Variants in INO80C observed in about 807,000 individuals in gnomAD.
INO80C encodes the protein IES6 homolog.
Under a neutral mutation model 17.7 loss-of-function variants are expected in INO80C, and 17 were observed. The ratio of observed to expected loss-of-function variants is 0.96; its 90% CI spans 0.66 to 1.44. The LOEUF (loss-of-function observed/expected upper bound fraction) is 1.44, where lower values mean the gene tolerates loss of function less well. Ranked by LOEUF, INO80C falls within the 40% of genes most tolerant of loss-of-function variation. The pLI is 0.00. For missense variants in INO80C, 244 were observed against 245.0 expected (o/e 1.00, Z 0.03); for synonymous variants, 96 against 95.8 (o/e 1.00, Z -0.01).
chr18:35,488,120 G>A (rs1200253725), intron 1 of INO80C, among the ~76,000 whole-genome samples: 1 of 152,196 alleles, frequency 6.6e-6, no homozygotes, highest in African/African-American at 2.4e-5. Flanking sequence ...TCACAGGCTG[G>A]CGTTGAGTGT....
At position 35,497,920 on chromosome 18, in the gene INO80C, G is replaced by T. The variant is rs191901574; in HGVS notation, c.-46C>A. On this transcript the variant is annotated 5_prime_UTR_variant, in exon 1 of 5. Coordinates refer to ENST00000334598, the MANE Select transcript of INO80C (RefSeq NM_194281.4). ...GGTCCCCCCACCTTTTTCCCAGCGC[G>T]GGCCTTGGAACTTCCTTTCCGCTGT... 2.0e-6 allele frequency: 3 copies of T among 1,482,070 alleles called. No homozygotes were observed. Among genetic ancestry groups the T allele is most frequent in the Admixed American group, 2.5e-5 (1 of 40,808 alleles). 91.8% of individuals were successfully genotyped at this position (1,482,070 alleles called of 1,614,324 possible).
intron 1 of INO80C, among the ~76,000 whole-genome samples, chr18:35,491,816 G>A (rs554817489): frequency 2.0e-4 from 31 of 152,198 alleles, no homozygotes; most frequent in African/African-American, 7.2e-4. Flanking sequence ...GAACTGTCCC[G>A]CCCCAAGATA....
At chr18:35,484,904 T>G (rs1297041294) in intron 1 of INO80C, among the ~76,000 whole-genome samples, 2 of 152,238 alleles carry the variant, frequency 1.3e-5, no homozygotes, top group African/African-American at 4.8e-5. Context: ...TGTGTCAGTT[T>G]ATTCAGAGTG....
In INO80C at chr18:35,474,791, C is replaced by T. The variant is rs949889313; in HGVS notation, c.447+3491G>A. Among the ~76,000 whole-genome samples the T allele has an allele frequency of 1.3e-4, 19 of 151,998 alleles. No homozygotes were observed. In the East Asian group the frequency reaches 1.3e-3, roughly 11 times the overall value. ...TTAAAAACACAATTAGAGAGATAAA[C>T]GATGCTTCCAATAGGCTCATTGGTA... On this transcript the variant is annotated intron_variant, in intron 4 of 4. Transcript: ENST00000334598.
chr18:35,480,213 C>G (rs1214270735), intron 2 of INO80C, among the ~76,000 whole-genome samples: 1 of 152,138 alleles, frequency 6.6e-6, no homozygotes, highest in African/African-American at 2.4e-5. Context: ...AATGTCCCAC[C>G]CTCCAAACAG....
chr18:35,496,994 G>A (rs1470845382), intron 1 of INO80C: 1 of 152,236 alleles, frequency 6.6e-6, no homozygotes, highest in Admixed American at 6.5e-5. Context: ...GTGAACGGTG[G>A]TGTCACACCA....
intron 3 of INO80C, 170 bp downstream of exon 3, chr18:35,479,130 C>G: frequency 1.8e-6 from 1 of 565,120 alleles, no homozygotes; most frequent in Admixed American, 3.3e-5. Flanking sequence ...AATACAGATA[C>G]AGTTATGAGA....
At chr18:35,496,090 T>C (rs1335802155) in intron 1 of INO80C, among the ~76,000 whole-genome samples, 1 of 152,212 alleles carries the variant, frequency 6.6e-6, no homozygotes, top group Non-Finnish European at 1.5e-5. Context: ...TGCAACTACT[T>C]TGAGAAATAC....
At chr18:35,491,299 C>T (rs1383480494) in intron 1 of INO80C, among the ~76,000 whole-genome samples, 2 of 152,082 alleles carry the variant, frequency 1.3e-5, no homozygotes, top group Non-Finnish European at 2.9e-5. Flanking sequence ...AAGAGAGGAC[C>T]AGAGGTCTAA....
At chr18:35,478,372 A>G in intron 3 of INO80C, 23 bp from the exon 4 acceptor site, 3 of 1,418,862 alleles carry the variant, frequency 2.1e-6, no homozygotes, top group Non-Finnish European at 2.9e-6. Flanking sequence ...AAAAAAAAAG[A>G]TAACTAAACT....
intron 1 of INO80C, 188 bp downstream of exon 1, chr18:35,497,531 G>C (rs2045996078): frequency 1.4e-6 from 2 of 1,394,228 alleles, no homozygotes; most frequent in Admixed American, 3.3e-5. Context: ...TACAACACAA[G>C]GCGTTGTAAG....
intron 1 of INO80C, chr18:35,497,429 G>C: frequency 8.2e-7 from 1 of 1,218,794 alleles, no homozygotes; most frequent in South Asian, 2.0e-5. Context: ...CATTAGTCCT[G>C]AACCTCATGC....
chr18:35,480,135 C>G (rs185189826), intron 2 of INO80C, among the ~76,000 whole-genome samples: 29 of 152,236 alleles, frequency 1.9e-4, no homozygotes, highest in African/African-American at 6.7e-4. Flanking sequence ...TCTCATTTAG[C>G]TAAATATTTC....
At chr18:35,490,235 G>A (rs989806481) in intron 1 of INO80C, among the ~76,000 whole-genome samples, 1 of 152,192 alleles carries the variant, frequency 6.6e-6, no homozygotes, top group Non-Finnish European at 1.5e-5. Flanking sequence ...AGCATTAGCA[G>A]AAGGAAAGCA....
rs2046001182 is a variant in INO80C at position 35,497,798 on chromosome 18, C to T, written c.77G>A (p.Ser26Asn). The T allele has an allele frequency of 6.2e-7, 1 of 1,613,128 alleles. No homozygotes were observed. Among genetic ancestry groups the T allele is most frequent in the South Asian group, 1.1e-5 (1 of 91,030 alleles). ...GCCGCTGCTGCCATTGTGGGAAGGGCTGGCCGGCCTCTTCTTGCTGTTCCG... is the reference window on the plus strand; with the variant it reads ...GCCGCTGCTGCCATTGTGGGAAGGGTTGGCCGGCCTCTTCTTGCTGTTCCG... ...IVRNSKKRPA[S>N]PSHNGSSGGG... The change falls in exon 1 of 5, where the codon AGC (serine) becomes AAC (asparagine). Residue 26 changes from serine (S) to asparagine (N), a missense_variant. By Grantham distance (46) the Ser-to-Asn change is conservative. Transcript: ENST00000334598.
At chr18:35,497,272 T>G in intron 1 of INO80C, 1 of 946,650 alleles carries the variant, frequency 1.1e-6, no homozygotes, top group Non-Finnish European at 1.3e-6. Flanking sequence ...AAAAGCACTT[T>G]TCTCAGGATG....
chr18:35,486,066 T>G (rs1267407431), intron 1 of INO80C, among the ~76,000 whole-genome samples: 2 of 152,240 alleles, frequency 1.3e-5, no homozygotes, highest in Non-Finnish European at 2.9e-5. Flanking sequence ...CAGTATGCTA[T>G]GATTGTGCCA....
chr18:35,486,969 G>T (rs1372991419), intron 1 of INO80C, among the ~76,000 whole-genome samples: 2 of 152,016 alleles, frequency 1.3e-5, no homozygotes, highest in African/African-American at 4.8e-5. Flanking sequence ...AGCTATCAAT[G>T]GATATTAAAA....
intron 1 of INO80C, among the ~76,000 whole-genome samples, chr18:35,484,721 G>T (rs1423238311): frequency 6.6e-6 from 1 of 152,194 alleles, no homozygotes; most frequent in African/African-American, 2.4e-5. Flanking sequence ...GGGACTTGAG[G>T]TTCCATGGAT....
Sources: allele counts gnomAD v4.1 joint callset (sites outside exome capture counted in the v4.1 genomes callset), GRCh38; gene constraint gnomAD v4.1.1; transcripts MANE v1.5; gene names NCBI Gene and HGNC (gene_info 2026-07-23, HGNC 2026-07-21).